SLC35A5: variants seen among roughly 807,000 people sequenced by gnomAD.
SLC35A5 encodes UDP-sugar transporter protein SLC35A5.
Under a neutral mutation model 36.3 loss-of-function variants are expected in SLC35A5, and 28 were observed. The observed-to-expected ratio is 0.77, with a 90% CI of 0.57 to 1.06. The LOEUF (loss-of-function observed/expected upper bound fraction) is 1.06. SLC35A5 is among the 50% of genes least tolerant of loss of function. SLC35A5 has a pLI of 0.00. For missense variants in SLC35A5, 521 were observed against 499.3 expected, an observed-to-expected ratio of 1.04 and a Z score of -0.41; for synonymous variants, 180 against 173.7, an observed-to-expected ratio of 1.04 and a Z score of -0.29.
At chr3:112,573,694 C>A (rs1253909906) in intron 4 of SLC35A5, among the ~76,000 whole-genome samples, 195 bp from the exon 5 acceptor site, 2 of 152,174 alleles carry the variant, frequency 1.3e-5, no homozygotes, top group Non-Finnish European at 2.9e-5. Flanking sequence ...AATGCCTGGA[C>A]AATAATTTGA....
At chr3:112,567,781 A>G (rs1398373893) in intron 2 of SLC35A5, among the ~76,000 whole-genome samples, 1 of 152,242 alleles carries the variant, frequency 6.6e-6, no homozygotes, top group Non-Finnish European at 1.5e-5. Context: ...CCGTGAAAGG[A>G]CTGCAAGAAA....
intron 3 of SLC35A5, 88 bp downstream of exon 3, chr3:112,569,357 A>G: frequency 2.0e-6 from 2 of 1,007,540 alleles, no homozygotes; most frequent in Non-Finnish European, 3.0e-6. Flanking sequence ...CATTTAGCTT[A>G]GTCCATTAAA....
In SLC35A5 at chr3:112,576,075, A is replaced by C. The variant is rs1934657326; in HGVS notation, c.428+2119A>C. Among the ~76,000 whole-genome samples, 3 of 147,152 alleles carry C rather than the reference A, an allele frequency of 2.0e-5. No individual in the cohort carries two copies. The South Asian group carries it at 6.4e-4, about 31-fold the overall frequency. ...ACGCCTGGCCTTATTACATTTTTTAACTCTTTTTTCTAATTGTGAAAAAAA... is the reference window on the plus strand; with the variant it reads ...ACGCCTGGCCTTATTACATTTTTTACCTCTTTTTTCTAATTGTGAAAAAAA... On this transcript the variant is annotated intron_variant, in intron 5 of 6. Transcript: ENST00000492406.
At chr3:112,577,607 C>A (rs905740545) in intron 5 of SLC35A5, among the ~76,000 whole-genome samples, 1 of 152,160 alleles carries the variant, frequency 6.6e-6, no homozygotes, top group Non-Finnish European at 1.5e-5. Context: ...TAACCAAGAC[C>A]AGCACTTATT....
chr3:112,561,567 G>GA, upstream of SLC35A5: 1 of 1,594,682 alleles, frequency 6.3e-7, no homozygotes, highest in Non-Finnish European at 8.5e-7. Flanking sequence ...CGACGGGATG[G>GA]AAAGTGCAGC....
intron 2 of SLC35A5, among the ~76,000 whole-genome samples, chr3:112,565,339 G>A (rs1232748123): frequency 6.6e-6 from 1 of 152,174 alleles, no homozygotes; most frequent in African/African-American, 2.4e-5. Context: ...AGAACACTTC[G>A]CTGATTAGAA....
At position 112,562,079 on chromosome 3, in the gene SLC35A5, CT is replaced by C; in HGVS notation, c.-209del. Reference sequence around the variant, plus strand: ...GCCTGCGCAATGGGTGTCGGGTCCGCTTTTTCCCAATCCGGACGTAATCGTG... The same window carrying C: ...GCCTGCGCAATGGGTGTCGGGTCCGCTTTTCCCAATCCGGACGTAATCGTG... On this transcript the variant is annotated 5_prime_UTR_variant, in exon 1 of 7. An upstream open reading frame in the 5' UTR gains an earlier in-frame stop. Coordinates refer to ENST00000492406, the MANE Select transcript of SLC35A5 (RefSeq NM_017945.5). The C allele has an allele frequency of 6.3e-6, 1 of 158,952 alleles. No homozygotes were observed. The highest frequency in any genetic ancestry group is 1.4e-5 in the Non-Finnish European group (1 of 72,336). The allele number at this position is 158,952 out of a possible 1,614,324, so 9.8% of individuals were successfully genotyped here. A position where few individuals can be genotyped will look rare whatever the true frequency, so the allele number is the denominator to read the frequency against.
chr3:112,582,432 T>C (rs1934969886), intron 6 of SLC35A5, among the ~76,000 whole-genome samples: 1 of 152,158 alleles, frequency 6.6e-6, no homozygotes, highest in Non-Finnish European at 1.5e-5. Flanking sequence ...GACCAGCAGG[T>C]GGTGCTCCTC....
At chr3:112,566,538 A>C (rs997971332) in intron 2 of SLC35A5, among the ~76,000 whole-genome samples, 5 of 152,246 alleles carry the variant, frequency 3.3e-5, no homozygotes, top group Non-Finnish European at 2.9e-5. Flanking sequence ...CATTTAAGTG[A>C]CATGCGGACA....
At position 112,584,630 on chromosome 3, in the gene SLC35A5, A is replaced by T. The variant is rs746946441; in HGVS notation, c.*1894A>T. ...AGAGAGGAAGAGAAAGAGTGAGAGC[A>T]CAAGATCATGTGCTGGAACTAAAAA... On this transcript the variant is annotated 3_prime_UTR_variant, in exon 7 of 7. Coordinates refer to ENST00000492406, the MANE Select transcript of SLC35A5 (RefSeq NM_017945.5). 2.0e-5 allele frequency: 3 copies of T among 152,192 alleles called. No homozygotes were observed. The highest frequency in any genetic ancestry group is 4.4e-5 in the Non-Finnish European group (3 of 68,030). 9.4% of individuals were successfully genotyped at this position (152,192 alleles called of 1,614,324 possible).
rs186725949 is a variant in SLC35A5, at chr3:112,571,560, A to C, written c.360+890A>C. On this transcript the variant is annotated intron_variant, in intron 4 of 6. Transcript: ENST00000492406. ...GTATTAGCCTGTTCTCACACTGCTA[A>C]TAAACACATACCCAAGACTAGGTAA... 5.3e-4 allele frequency among the ~76,000 whole-genome samples: 80 copies of C among 152,348 alleles called. 1 individual carries two copies. The highest frequency in any genetic ancestry group is 1.9e-3 in the African/African-American group (80 of 41,584).
chr3:112,565,198 TG>T (rs1349054895), intron 2 of SLC35A5, among the ~76,000 whole-genome samples: 1 of 152,184 alleles, frequency 6.6e-6, no homozygotes, highest in African/African-American at 2.4e-5. Context: ...GAGACATGAA[TG>T]TAAACACATC....
Position 112,563,613 on chromosome 3 carries a change from T to C in SLC35A5, c.130+80T>C, listed in dbSNP as rs905960307. Reference sequence around the variant, plus strand: ...CTCTTGCCTTTGGTTCTGTTATATATAACATGGAAATAATAATGCCTTTTG... The same window carrying C: ...CTCTTGCCTTTGGTTCTGTTATATACAACATGGAAATAATAATGCCTTTTG... On this transcript the variant is annotated intron_variant, in intron 2 of 6. Transcript: ENST00000492406. The C allele has an allele frequency of 2.3e-6, 3 of 1,331,262 alleles. No homozygotes were observed. The Admixed American group carries it at 7.8e-5, about 35-fold the overall frequency. The allele number at this position is 1,331,262 out of a possible 1,614,324, so 82.5% of individuals were successfully genotyped here. A position where few individuals can be genotyped will look rare whatever the true frequency, so the allele number is the denominator to read the frequency against.
Position 112,582,794 on chromosome 3 carries a change from G to A in SLC35A5, c.*58G>A, listed in dbSNP as rs1576765276. On this transcript the variant is annotated 3_prime_UTR_variant, in exon 7 of 7. Transcript: ENST00000492406. ...CCTTATTTTCACATTTTCAGTGTTTGTAATATTTATCTTTTCACTTTGATA... is the reference window on the plus strand; with the variant it reads ...CCTTATTTTCACATTTTCAGTGTTTATAATATTTATCTTTTCACTTTGATA... 2 of 1,355,600 alleles carry A rather than the reference G, an allele frequency of 1.5e-6. No individual in the cohort carries two copies. The highest frequency in any genetic ancestry group is 2.1e-6 in the Non-Finnish European group (2 of 955,906). 84.0% of individuals were successfully genotyped at this position (1,355,600 alleles called of 1,614,324 possible).
intron 2 of SLC35A5, among the ~76,000 whole-genome samples, chr3:112,564,741 C>A (rs1934116776): frequency 6.6e-6 from 1 of 152,196 alleles, no homozygotes; most frequent in African/African-American, 2.4e-5. Context: ...GCAGAGGTCG[C>A]TGCGGCTTTC....
intron 2 of SLC35A5, chr3:112,564,183 A>T (rs973923458): frequency 6.6e-6 from 1 of 152,114 alleles, no homozygotes; most frequent in Non-Finnish European, 1.5e-5. Flanking sequence ...GAAAGAAAAA[A>T]GGGGGCCCAG....
chr3:112,584,718 A>T lies in SLC35A5; in HGVS notation c.*1982A>T, dbSNP rs1422668761. 6.6e-6 allele frequency: 1 copy of T among 152,216 alleles called. No individual in the cohort carries two copies. Among genetic ancestry groups the T allele is most frequent in the Non-Finnish European group, 1.5e-5 (1 of 68,038 alleles). The allele number at this position is 152,216 out of a possible 1,614,324, so 9.4% of individuals were successfully genotyped here. ...TACCCAAAGGAAAATAAATCGTTTT[A>T]TCAAAAAGACACTTGCAGTGGTATG... On this transcript the variant is annotated 3_prime_UTR_variant, in exon 7 of 7. Transcript: ENST00000492406.
At chr3:112,561,332 T>C, upstream of SLC35A5, 2 of 948,020 alleles carry the variant, frequency 2.1e-6, no homozygotes, top group Non-Finnish European at 3.3e-6. Context: ...CACTTCCCTG[T>C]GTCTCGAGCC....
At position 112,584,813 on chromosome 3, in the gene SLC35A5, A is replaced by C. The variant is rs942617783; in HGVS notation, c.*2077A>C. On this transcript the variant is annotated 3_prime_UTR_variant, in exon 7 of 7. Coordinates refer to ENST00000492406, the MANE Select transcript of SLC35A5 (RefSeq NM_017945.5). ...TAAGTGTCCATCAGTGGTGCCTGGA[A>C]TAAGAAAATGTGGTACATATACACC... The C allele has an allele frequency of 3.9e-5, 6 of 152,180 alleles. No homozygotes were observed. The allele number at this position is 152,180 out of a possible 1,614,324, so 9.4% of individuals were successfully genotyped here.
Sources: gnomAD v4.1 joint callset for allele counts (sites outside exome capture counted in the v4.1 genomes callset) on GRCh38, gnomAD v4.1.1 for gene constraint, MANE v1.5 for transcripts, NCBI Gene and HGNC (gene_info 2026-07-23, HGNC 2026-07-21) for gene names.